The following GPR132 variants were observed in gnomAD, a reference collection of about 807,000 sequenced individuals.
GPR132 encodes the protein G protein-coupled receptor 132.
A neutral mutation model predicts 1.9 loss-of-function variants in GPR132; 4 were observed. The observed-to-expected ratio is 2.13, with a 90% CI of 1.05 to 4.87. GPR132 has a LOEUF of 4.87. Among genes scored for constraint, GPR132 ranks in the 30% most tolerant of loss-of-function variants. GPR132 has a pLI of 0.01. For synonymous variants in GPR132, 233 were observed against 234.2 expected (o/e 0.99, Z 0.05); for missense variants, 404 against 512.5 (o/e 0.79, Z 2.04).
chr14:105,061,638 G>A (rs1056521314), intron 1 of GPR132, among the ~76,000 whole-genome samples: 2 of 152,140 alleles, frequency 1.3e-5, no homozygotes, highest in South Asian at 2.1e-4. Flanking sequence ...AGTGGGGCCC[G>A]GGCCCTCTCT....
At chr14:105,063,981 A>G (rs1053014373) in intron 1 of GPR132, among the ~76,000 whole-genome samples, 1 of 152,060 alleles carries the variant, frequency 6.6e-6, no homozygotes, top group Admixed American at 6.6e-5. Flanking sequence ...ATGGGATTAC[A>G]GGCGTGTGCC....
rs1173288319 is a variant in GPR132 at position 105,059,956 on chromosome 14, C to T, written c.-860-2676G>A. Among the ~76,000 whole-genome samples, 2 of 152,244 alleles carry T rather than the reference C, an allele frequency of 1.3e-5. No homozygotes were observed. The highest frequency in any genetic ancestry group is 2.9e-5 in the Non-Finnish European group (2 of 68,030). ...GTGAGACACTGAGTCAAGAAAGAAA[C>T]AAGAAAAGCCATCTCCAAAGTGATG... On this transcript the variant is annotated intron_variant, in intron 1 of 3. Coordinates refer to ENST00000329797, the MANE Select transcript of GPR132 (RefSeq NM_013345.4). The surrounding 1 kb of genome is among the most constrained non-coding windows in gnomAD (Gnocchi z 4.2).
Position 105,055,396 on chromosome 14 carries a change from C to A in GPR132, c.25G>T (p.Gly9Cys). 1.3e-6 allele frequency: 1 copy of A among 781,006 alleles called. No homozygotes were observed. 48.4% of individuals were successfully genotyped at this position (781,006 alleles called of 1,614,324 possible). The change falls in exon 3 of 4, where the codon GGT becomes TGT. Residue 9 changes from glycine to cysteine, a missense_variant. By Grantham distance (159) the Gly-to-Cys change is radical. Transcript: ENST00000329797. This position sits in a 1 kb window ranked among gnomAD's most constrained non-coding sequence, Gnocchi z 4.7. ...ATAACAAGGAATTTACCATTGTAAC[C>A]GTTTTTCAGTAGCATTGGGCACATT... MCPMLLKNGYNGNATPVTT... is the reference protein window; with the variant it reads MCPMLLKNCYNGNATPVTT...
At chr14:105,062,746 G>C (rs1387548611) in intron 1 of GPR132, among the ~76,000 whole-genome samples, 1 of 151,870 alleles carries the variant, frequency 6.6e-6, no homozygotes, top group Non-Finnish European at 1.5e-5. Flanking sequence ...TTGCCATGTT[G>C]CCTAGGCAGG....
intron 3 of GPR132, among the ~76,000 whole-genome samples, chr14:105,052,556 A>G (rs1485914920): frequency 6.6e-6 from 1 of 151,268 alleles, no homozygotes; most frequent in Non-Finnish European, 1.5e-5. Context: ...CGAATTCCTG[A>G]TCTCAGGTGA....
chr14:105,052,289 T>C (rs1015779181), intron 3 of GPR132, among the ~76,000 whole-genome samples, 187 bp from the exon 4 acceptor site: 1 of 152,222 alleles, frequency 6.6e-6, no homozygotes, highest in Non-Finnish European at 1.5e-5. Flanking sequence ...AGCAGCGTCA[T>C]GGACAAAGAA....
Position 105,051,784 on chromosome 14 carries a change from G to A in GPR132, c.353C>T (p.Thr118Ile), listed in dbSNP as rs779659097. Residue 118 changes from threonine to isoleucine, a missense_variant, in exon 4 of 4, where the codon ACC becomes ATC. Thr to Ile is a moderately conservative substitution (Grantham distance 89). Transcript: ENST00000329797. The surrounding 1 kb of genome is among the most constrained non-coding windows in gnomAD (Gnocchi z 8.0). Reference sequence around the variant, plus strand: ...GATGTTGCAGAAGAAGATGTAGGCGGTCACCTTGCAGGCCAGCAGGCCTAG... The same window carrying A: ...GATGTTGCAGAAGAAGATGTAGGCGATCACCTTGCAGGCCAGCAGGCCTAG... ...WTLGLLACKV[T>I]AYIFFCNIYV... is the part of the protein sequence containing the mutation. 6.2e-7 allele frequency: 1 copy of A among 1,614,160 alleles called. No homozygotes were observed. Among genetic ancestry groups the A allele is most frequent in the South Asian group, 1.1e-5 (1 of 91,088 alleles).
intron 3 of GPR132, chr14:105,053,848 C>G (rs1345209811): frequency 1.2e-6 from 1 of 851,984 alleles, no homozygotes; most frequent in African/African-American, 1.8e-5. Flanking sequence ...TCTGGACTAT[C>G]TGGTGGGCCC....
rs1886902064 is a variant in GPR132 at position 105,060,104 on chromosome 14, G to A, written c.-860-2824C>T. On this transcript the variant is annotated intron_variant, in intron 1 of 3. Coordinates refer to ENST00000329797, the MANE Select transcript of GPR132 (RefSeq NM_013345.4). The surrounding 1 kb of genome is among the most constrained non-coding windows in gnomAD (Gnocchi z 6.3). Reference sequence around the variant, plus strand: ...GCATCTCGGGCCAGCCCCCTGAGTGGAGATGGTGGGGCAGCGCTGAGGGTC... The same window carrying A: ...GCATCTCGGGCCAGCCCCCTGAGTGAAGATGGTGGGGCAGCGCTGAGGGTC... Among the ~76,000 whole-genome samples, 1 of 152,214 alleles carries A rather than the reference G, an allele frequency of 6.6e-6. No individual in the cohort carries two copies. The highest frequency in any genetic ancestry group is 2.4e-5 in the African/African-American group (1 of 41,464).
At chr14:105,052,817 G>A (rs942631027) in intron 3 of GPR132, among the ~76,000 whole-genome samples, 2 of 151,776 alleles carry the variant, frequency 1.3e-5, no homozygotes, top group Non-Finnish European at 1.5e-5. Context: ...CAAATAGTTG[G>A]GCGTGCTGGC....
At chr14:105,064,080 C>A (rs1459708322) in intron 1 of GPR132, among the ~76,000 whole-genome samples, 1 of 152,150 alleles carries the variant, frequency 6.6e-6, no homozygotes, top group Non-Finnish European at 1.5e-5. Context: ...CTCAGGTGAT[C>A]CACCTGCCTT....
Position 105,056,738 on chromosome 14 carries a change from C to T in GPR132, c.-747+429G>A, listed in dbSNP as rs1886806675. Reference sequence around the variant, plus strand: ...CATCTGGTGAGGAGGCTGTCCCCCGCTCCCCCGCCTCCTGCCACAAGTGAC... The same window carrying T: ...CATCTGGTGAGGAGGCTGTCCCCCGTTCCCCCGCCTCCTGCCACAAGTGAC... On this transcript the variant is annotated intron_variant, in intron 2 of 3. Transcript: ENST00000329797. The surrounding 1 kb of genome is among the most constrained non-coding windows in gnomAD (Gnocchi z 6.0). 6.6e-6 allele frequency among the ~76,000 whole-genome samples: 1 copy of T among 152,246 alleles called. No homozygotes were observed. The highest frequency in any genetic ancestry group is 2.1e-4 in the South Asian group (1 of 4,832).
rs1442540154 is a variant in GPR132 at position 105,051,500 on chromosome 14, A to G, written c.637T>C (p.Ser213Pro). 1 of 1,614,044 alleles carries G rather than the reference A, an allele frequency of 6.2e-7. No homozygotes were observed. Among genetic ancestry groups the G allele is most frequent in the African/African-American group, 1.3e-5 (1 of 75,050 alleles). Reference sequence around the variant, plus strand: ...CGGTGGTTGGTGAAGGCGATGATGGAGAGAGGGATGGCAAAGCCAACGGTG... The same window carrying G: ...CGGTGGTTGGTGAAGGCGATGATGGGGAGAGGGATGGCAAAGCCAACGGTG... ...RFTVGFAIPL[S>P]IIAFTNHRIF... Residue 213 changes from serine (S) to proline (P), a missense_variant, in exon 4 of 4, where the codon TCC (serine) becomes CCC (proline). Physicochemically the swap from Ser to Pro is moderately conservative, Grantham distance 74 (BLOSUM62 -1). Transcript: ENST00000329797. This position sits in a 1 kb window ranked among gnomAD's most constrained non-coding sequence, Gnocchi z 8.0.
In GPR132 at chr14:105,059,554, A is replaced by G. The variant is rs1886887049; in HGVS notation, c.-860-2274T>C. On this transcript the variant is annotated intron_variant, in intron 1 of 3. Transcript: ENST00000329797. The surrounding 1 kb of genome is among the most constrained non-coding windows in gnomAD (Gnocchi z 4.2). ...CTTATCAGAAACTGAAAACAATGCA[A>G]CCATTTGTCTCTCGCCTACCTGTGT... 6.6e-6 allele frequency among the ~76,000 whole-genome samples: 1 copy of G among 151,846 alleles called. No homozygotes were observed. Among genetic ancestry groups the G allele is most frequent in the African/African-American group, 2.4e-5 (1 of 41,312 alleles).
chr14:105,062,051 G>A (rs987740649), intron 1 of GPR132, among the ~76,000 whole-genome samples: 1 of 152,214 alleles, frequency 6.6e-6, no homozygotes, highest in Admixed American at 6.5e-5. Context: ...CAGAGGCCCC[G>A]CTATCACCAT....
intron 3 of GPR132, chr14:105,054,209 AG>A (rs1886725191): frequency 8.3e-7 from 1 of 1,210,626 alleles, no homozygotes; most frequent in Admixed American, 2.9e-5. Flanking sequence ...GGGCCACAGC[AG>A]CCCCGGGCGG....
At chr14:105,052,945 G>A (rs972124315) in intron 3 of GPR132, among the ~76,000 whole-genome samples, 9 of 149,954 alleles carry the variant, frequency 6.0e-5, no homozygotes, top group Non-Finnish European at 1.2e-4. Context: ...GGCAACAAGA[G>A]TGAGACTCCT....
chr14:105,062,732 G>A (rs1455977144), intron 1 of GPR132, among the ~76,000 whole-genome samples: 2 of 151,556 alleles, frequency 1.3e-5, no homozygotes, highest in African/African-American at 2.4e-5. Flanking sequence ...GTAGAAACAG[G>A]GTTTTGCCAT....
chr14:105,060,869 T>C lies in GPR132; in HGVS notation c.-860-3589A>G, dbSNP rs1429770939. Among the ~76,000 whole-genome samples the C allele has an allele frequency of 2.0e-5, 3 of 152,186 alleles. No individual in the cohort carries two copies. Among genetic ancestry groups the C allele is most frequent in the Non-Finnish European group, 4.4e-5 (3 of 68,034 alleles). ...AAGGAAGTGGCAGCTGCAGTGGAAA[T>C]GCACGCTCCCCTCCCGGGCCCCAGC... is the stretch of plus-strand genomic sequence containing the variant. On this transcript the variant is annotated intron_variant, in intron 1 of 3. Coordinates refer to ENST00000329797, the MANE Select transcript of GPR132 (RefSeq NM_013345.4). This position sits in a 1 kb window ranked among gnomAD's most constrained non-coding sequence, Gnocchi z 6.3.
Sources: gnomAD v4.1 joint callset for allele counts (sites outside exome capture counted in the v4.1 genomes callset) on GRCh38, gnomAD v4.1.1 for gene constraint, Gnocchi (gnomAD v3.1) non-coding constraint, MANE v1.5 for transcripts, NCBI Gene and HGNC (gene_info 2026-07-23, HGNC 2026-07-21) for gene names.